Variants in CACNA1D observed in about 807,000 individuals in gnomAD.
CACNA1D encodes the protein calcium voltage-gated channel subunit alpha1 D.
In CACNA1D, 55 loss-of-function variants were observed where a neutral mutation model predicts 257.1. That is an observed-to-expected ratio of 0.21 (90% CI 0.17 to 0.27). The LOEUF is 0.27. Among genes scored for constraint, CACNA1D ranks in the 10% least tolerant of loss-of-function variants. CACNA1D has a pLI of 1.00. For synonymous variants in CACNA1D, 980 were observed against 1,014.9 expected (o/e 0.97, Z 0.65); for missense variants, 1,876 against 2,784.0 (o/e 0.67, Z 7.34).
intron 3 of CACNA1D, among the ~76,000 whole-genome samples, chr3:53,645,324 C>T (rs1319200420): frequency 6.6e-6 from 1 of 152,110 alleles, no homozygotes; most frequent in East Asian, 1.9e-4. Flanking sequence ...TAGTTAGATG[C>T]CATCCCATAT....
chr3:53,627,134 C>G (rs1320621938), intron 3 of CACNA1D, among the ~76,000 whole-genome samples: 1 of 152,242 alleles, frequency 6.6e-6, no homozygotes, highest in Admixed American at 6.5e-5. Context: ...CGTGCAGATT[C>G]CTGCTGAAAT....
intron 8 of CACNA1D, 113 bp from the exon 9 acceptor site, chr3:53,702,528 A>G (rs2094637257): frequency 6.2e-6 from 6 of 961,378 alleles, no homozygotes; most frequent in Non-Finnish European, 9.9e-6. Flanking sequence ...TCATGTGACT[A>G]TACTCAGTGC....
intron 3 of CACNA1D, among the ~76,000 whole-genome samples, chr3:53,508,350 G>A (rs894402013): frequency 4.0e-5 from 6 of 151,868 alleles, no homozygotes; most frequent in Non-Finnish European, 8.8e-5. Flanking sequence ...TTAGGTTTGG[G>A]GGTACATGTG....
intron 45 of CACNA1D, among the ~76,000 whole-genome samples, chr3:53,806,183 TCCTC>T (rs2095564888): frequency 7.5e-5 from 2 of 26,672 alleles, no homozygotes; most frequent in Non-Finnish European, 1.1e-4. Flanking sequence ...TCCTCCCTCC[TCCTC>T]CCTCCTCCCT....
chr3:53,557,660 T>C (rs1281999792), intron 3 of CACNA1D, among the ~76,000 whole-genome samples: 1 of 152,218 alleles, frequency 6.6e-6, no homozygotes, highest in African/African-American at 2.4e-5. Context: ...ATCTGTACAT[T>C]TGTCAAAAAT....
chr3:53,718,700 A>AGGC, intron 10 of CACNA1D: 1 of 1,558,790 alleles, frequency 6.4e-7, no homozygotes, highest in Non-Finnish European at 8.7e-7. Context: ...GGAGACGGAG[A>AGGC]GGCGCGGCCA....
chr3:53,804,772 C>T (rs2106824958), intron 44 of CACNA1D, among the ~76,000 whole-genome samples: 1 of 152,316 alleles, frequency 6.6e-6, no homozygotes, highest in South Asian at 2.1e-4. Context: ...ATCAAAACTG[C>T]CAGCACATCC....
At chr3:53,682,365 TAAAAAAAA>T (rs3082718) in intron 8 of CACNA1D, among the ~76,000 whole-genome samples, 3,796 of 47,378 alleles carry the variant, frequency 0.08, 165 homozygotes, top group East Asian at 0.15. Context: ...TTGTCTCTGG[TAAAAAAAA>T]AAAAAAAAAA....
At chr3:53,710,062 A>C (rs2094733906) in intron 9 of CACNA1D, among the ~76,000 whole-genome samples, 1 of 152,190 alleles carries the variant, frequency 6.6e-6, no homozygotes, top group African/African-American at 2.4e-5. Flanking sequence ...CAGTCTGTAC[A>C]GGGCTCCTGA....
At position 53,808,746 on chromosome 3, in the gene CACNA1D, G is replaced by A. The variant is rs750787201; in HGVS notation, c.5847G>A (p.Leu1949=). 2.4e-5 allele frequency: 39 copies of A among 1,607,812 alleles called. No individual in the cohort carries two copies. Among genetic ancestry groups the A allele is most frequent in the Non-Finnish European group, 1.4e-5 (17 of 1,180,004 alleles). The part of the protein sequence containing the change: ...SSPIFPHRTA[L]PLHLMQQQIM... Reference sequence around the variant, plus strand: ...CCATCTTCCCCCATCGCACGGCCCTGCCTCTGCATCTAATGCAGCAACAGG... The same window carrying A: ...CCATCTTCCCCCATCGCACGGCCCTACCTCTGCATCTAATGCAGCAACAGG... Residue 1949 remains leucine, a synonymous_variant, in exon 46 of 48, where the codon CTG becomes CTA. Coordinates refer to ENST00000350061, the MANE Select transcript of CACNA1D (RefSeq NM_001128840.3).
chr3:53,534,721 G>A (rs994836246), intron 3 of CACNA1D, among the ~76,000 whole-genome samples: 2 of 152,102 alleles, frequency 1.3e-5, no homozygotes, highest in Non-Finnish European at 2.9e-5. Flanking sequence ...TTTACTCCAA[G>A]CATCTGTTCC....
chr3:53,607,472 C>T (rs1312913453), intron 3 of CACNA1D, among the ~76,000 whole-genome samples: 1 of 152,188 alleles, frequency 6.6e-6, no homozygotes, highest in African/African-American at 2.4e-5. Flanking sequence ...AGAGTGAGAA[C>T]TCAACCTGCT....
intron 40 of CACNA1D, among the ~76,000 whole-genome samples, chr3:53,798,324 T>C (rs1325222861): frequency 5.0e-5 from 7 of 138,906 alleles, no homozygotes; most frequent in South Asian, 2.2e-4. Context: ...TGTGTGTGTG[T>C]GTGCGTGTGT....
intron 8 of CACNA1D, among the ~76,000 whole-genome samples, chr3:53,682,367 A>T (rs1290636435): frequency 3.3e-5 from 2 of 60,984 alleles, no homozygotes; most frequent in Non-Finnish European, 7.1e-5. Flanking sequence ...GTCTCTGGTA[A>T]AAAAAAAAAA....
intron 3 of CACNA1D, among the ~76,000 whole-genome samples, chr3:53,622,110 C>A (rs966929202): frequency 6.6e-6 from 1 of 151,664 alleles, no homozygotes; most frequent in Non-Finnish European, 1.5e-5. Context: ...TGCAGTGACA[C>A]GATAATCTCA....
At chr3:53,557,784 C>T (rs367658869) in intron 3 of CACNA1D, among the ~76,000 whole-genome samples, 7 of 152,122 alleles carry the variant, frequency 4.6e-5, no homozygotes, top group African/African-American at 7.2e-5. Context: ...AGTCATAAAG[C>T]GGGGTGACTT....
At chr3:53,779,891 C>A in intron 37 of CACNA1D, 135 bp from the exon 38 acceptor site, 1 of 733,250 alleles carries the variant, frequency 1.4e-6, no homozygotes, top group South Asian at 1.5e-5. Flanking sequence ...TATGCGTACC[C>A]CCAAATGGCT....
chr3:53,754,870 G>A (rs1278150201), intron 29 of CACNA1D, among the ~76,000 whole-genome samples: 2 of 152,212 alleles, frequency 1.3e-5, no homozygotes, highest in African/African-American at 4.8e-5. Flanking sequence ...ATTCCAAACT[G>A]TTCCTTTCTT....
rs187775573 is a variant in CACNA1D at position 53,639,417 on chromosome 3, C to T, written c.484-11362C>T. ...TTTTTTTTTTTTGGAGATGGAGTCT[C>T]GCTCTGTCAACCAGGCTACAGTGCA... is the stretch of plus-strand genomic sequence containing the variant. On this transcript the variant is annotated intron_variant, in intron 3 of 47. Transcript: ENST00000350061. Among the ~76,000 whole-genome samples, 430 of 151,184 alleles carry T rather than the reference C, an allele frequency of 2.8e-3. 2 individuals carry two copies. The highest frequency in any genetic ancestry group is 9.9e-3 in the African/African-American group (408 of 41,130).
Sources: gnomAD v4.1 joint callset for allele counts (sites outside exome capture counted in the v4.1 genomes callset) on GRCh38, gnomAD v4.1.1 for gene constraint, MANE v1.5 for transcripts, NCBI Gene and HGNC (gene_info 2026-07-23, HGNC 2026-07-21) for gene names.